Variants in UNC79 observed in about 807,000 individuals in gnomAD.
The protein encoded by UNC79 is unc-79 subunit of NALCN channel complex.
In UNC79, 37 loss-of-function variants were observed where a neutral mutation model predicts 283.1. That is an observed-to-expected ratio of 0.13 (90% CI 0.10 to 0.17). UNC79 has a LOEUF of 0.17. UNC79 is among the 10% of genes least tolerant of loss of function. The probability of loss-of-function intolerance (pLI) is 1.00; values close to 1 mark genes in which losing one functional copy is unlikely to be tolerated. For synonymous variants in UNC79, 1,107 were observed against 1,200.2 expected, an observed-to-expected ratio of 0.92 and a Z score of 1.61; for missense variants, 2,272 against 3,211.1, an observed-to-expected ratio of 0.71 and a Z score of 7.07.
intron 11 of UNC79, among the ~76,000 whole-genome samples, chr14:93,535,868 C>T (rs751582661): frequency 2.0e-5 from 3 of 152,176 alleles, no homozygotes; most frequent in Admixed American, 6.5e-5. Context: ...GAAGCAGTTG[C>T]AAGCCCATCC....
At chr14:93,643,485 G>C in intron 33 of UNC79, 72 bp from the exon 37 acceptor site, 1 of 1,609,686 alleles carries the variant, frequency 6.2e-7, no homozygotes, top group Non-Finnish European at 8.5e-7. Context: ...AAACAGCCGT[G>C]TGTGTAGTAT....
chr14:93,546,135 G>A (rs143801665), intron 14 of UNC79, among the ~76,000 whole-genome samples: 6 of 152,314 alleles, frequency 3.9e-5, no homozygotes, highest in African/African-American at 1.4e-4. Context: ...GGAATAATTG[G>A]AGAAGCTGCA....
chr14:93,565,358 C>G (rs1266056939), intron 14 of UNC79, among the ~76,000 whole-genome samples: 3 of 152,064 alleles, frequency 2.0e-5, no homozygotes, highest in Non-Finnish European at 4.4e-5. Flanking sequence ...GACCTATGAC[C>G]CAGGGGGTTA....
At chr14:93,527,654 A>G (rs897558409) in intron 8 of UNC79, among the ~76,000 whole-genome samples, 1 of 152,168 alleles carries the variant, frequency 6.6e-6, no homozygotes, top group African/African-American at 2.4e-5. Flanking sequence ...AGAACAACTA[A>G]AAAGAGTGTA....
At chr14:93,395,865 A>G (rs2054984913) in intron 1 of UNC79, among the ~76,000 whole-genome samples, 2 of 151,950 alleles carry the variant, frequency 1.3e-5, no homozygotes, top group Admixed American at 1.3e-4. Flanking sequence ...TTGAATATCT[A>G]GGCATGGATA....
intron 30 of UNC79, 126 bp downstream of exon 32, chr14:93,622,967 G>T: frequency 7.9e-7 from 1 of 1,271,288 alleles, no homozygotes; most frequent in African/African-American, 1.5e-5. Flanking sequence ...ACATTATAAT[G>T]GCTTCTCAAT....
intron 14 of UNC79, among the ~76,000 whole-genome samples, chr14:93,568,712 C>T (rs977338298): frequency 4.6e-5 from 7 of 151,968 alleles, no homozygotes; most frequent in African/African-American, 1.7e-4. Flanking sequence ...CAAAAACAAA[C>T]AAACAAAAAA....
intron 1 of UNC79, among the ~76,000 whole-genome samples, chr14:93,361,430 G>T (rs2054224431): frequency 1.3e-5 from 2 of 150,388 alleles, no homozygotes; most frequent in Admixed American, 1.3e-4. Context: ...AGGATTGCTT[G>T]AGCCCAGGAC....
chr14:93,639,674 A>G (rs1839379897), intron 32 of UNC79, among the ~76,000 whole-genome samples: 1 of 152,192 alleles, frequency 6.6e-6, no homozygotes, highest in African/African-American at 2.4e-5. Context: ...TGCAGTTTGG[A>G]TTTGCAAATG....
chr14:93,577,425 C>T (rs2063536480), intron 17 of UNC79, among the ~76,000 whole-genome samples: 1 of 152,074 alleles, frequency 6.6e-6, no homozygotes, highest in Admixed American at 6.5e-5. Flanking sequence ...AATTGTAATC[C>T]CCAGAGACCA....
At chr14:93,629,605 A>G in intron 30 of UNC79, among the ~76,000 whole-genome samples, 1 of 152,232 alleles carries the variant, frequency 6.6e-6, no homozygotes, top group Non-Finnish European at 1.5e-5. Flanking sequence ...CTTCGAAATC[A>G]GTGCTCAGGA....
chr14:93,699,213 ATTATC>A, intron 47 of UNC79, among the ~76,000 whole-genome samples: 1 of 152,246 alleles, frequency 6.6e-6, no homozygotes, highest in Admixed American at 6.5e-5. Context: ...GTTTAAATCT[ATTATC>A]TTACTGCTTG....
chr14:93,600,711 C>T (rs758676259), exon 25 of UNC79: 24 of 1,613,652 alleles, frequency 1.5e-5, no homozygotes, highest in South Asian at 8.8e-5. Context: ...AGATTTGAGA[C>T]GCTTTCTTTG....
At chr14:93,595,201 T>A (rs1231019767) in intron 23 of UNC79, among the ~76,000 whole-genome samples, 2 of 152,002 alleles carry the variant, frequency 1.3e-5, no homozygotes, top group Non-Finnish European at 2.9e-5. Context: ...GCGATTCTGT[T>A]GCCTCAGCCT....
chr14:93,366,765 G>C (rs1327483301), intron 1 of UNC79, among the ~76,000 whole-genome samples: 4 of 151,768 alleles, frequency 2.6e-5, no homozygotes, highest in Non-Finnish European at 4.4e-5. Flanking sequence ...TAGAGATGGG[G>C]TTTCACCATG....
chr14:93,526,820 A>G (rs1351088550), intron 8 of UNC79, among the ~76,000 whole-genome samples: 2 of 152,212 alleles, frequency 1.3e-5, no homozygotes, highest in Non-Finnish European at 2.9e-5. Context: ...GTGAAAAAGT[A>G]TCTTTACGTG....
At chr14:93,662,484 C>A (rs570185156) in intron 39 of UNC79, 120 bp from the exon 43 acceptor site, 36 of 676,406 alleles carry the variant, frequency 5.3e-5, no homozygotes, top group African/African-American at 4.7e-4. Flanking sequence ...AGCCACTGGG[C>A]AACAGAGTTT....
chr14:93,554,280 G>A (rs1419816686), intron 14 of UNC79, among the ~76,000 whole-genome samples: 3 of 151,724 alleles, frequency 2.0e-5, no homozygotes, highest in African/African-American at 7.3e-5. Context: ...CCCAGGAGGC[G>A]GAGGTTGCAG....
chr14:93,595,026 G>A (rs982470233), intron 23 of UNC79, among the ~76,000 whole-genome samples: 1 of 151,552 alleles, frequency 6.6e-6, no homozygotes, highest in Non-Finnish European at 1.5e-5. Flanking sequence ...TGGAGGGTTA[G>A]GATTAATCTT....
Sources: gnomAD v4.1 joint callset for allele counts (sites outside exome capture counted in the v4.1 genomes callset) on GRCh38, gnomAD v4.1.1 for gene constraint, MANE v1.5 for transcripts, NCBI Gene and HGNC (gene_info 2026-07-23, HGNC 2026-07-21) for gene names.